The following SENP1 variants were observed in gnomAD, a reference collection of about 807,000 sequenced individuals.
The protein encoded by SENP1 is sentrin-specific protease 1.
SENP1 carries 21 observed loss-of-function variants against 93.0 expected under a neutral mutation model. The ratio of observed to expected loss-of-function variants is 0.23; its 90% CI spans 0.16 to 0.33. SENP1 has a LOEUF of 0.33. Ranked by LOEUF, SENP1 falls within the 10% of genes least tolerant of loss-of-function variation. SENP1 has a pLI of 1.00. For synonymous variants in SENP1, 256 were observed against 259.6 expected (o/e 0.99, Z 0.13); for missense variants, 591 against 758.7 (o/e 0.78, Z 2.60).
At chr12:48,052,110 G>C (rs2136795366) in intron 13 of SENP1, among the ~76,000 whole-genome samples, 1 of 152,248 alleles carries the variant, frequency 6.6e-6, no homozygotes, top group East Asian at 1.9e-4. Context: ...TTTATTTGAA[G>C]AGCTGCCAGG....
At chr12:48,088,371 C>T (rs1358984517) in intron 5 of SENP1, among the ~76,000 whole-genome samples, 1 of 152,072 alleles carries the variant, frequency 6.6e-6, no homozygotes, top group Non-Finnish European at 1.5e-5. Context: ...TCTTTATTTT[C>T]TAATATATAG....
Position 48,106,047 on chromosome 12 carries a change from A to G in SENP1, c.-64T>C. ...ACTCACCGAACCGGAACCGGCTGCC[A>G]TGCGAAGGGGTTTCCGGCCGGGCGC... On this transcript the variant is annotated 5_prime_UTR_variant, in exon 1 of 18. The change abolishes an upstream ATG in the 5' untranslated region. Coordinates refer to ENST00000549518, the MANE Select transcript of SENP1 (RefSeq NM_001267594.2). 1 of 702,156 alleles carries G rather than the reference A, an allele frequency of 1.4e-6. No homozygotes were observed. 43.5% of individuals were successfully genotyped at this position (702,156 alleles called of 1,614,324 possible). A position where few individuals can be genotyped will look rare whatever the true frequency, so the allele number is the denominator to read the frequency against.
rs558327801 is a variant in SENP1 at position 48,102,509 on chromosome 12, C to T, written c.-44-993G>A. 8.0e-5 allele frequency among the ~76,000 whole-genome samples: 12 copies of T among 150,550 alleles called. No individual in the cohort carries two copies. In the South Asian group the frequency reaches 2.1e-3, roughly 26 times the overall value. On this transcript the variant is annotated intron_variant, in intron 1 of 17. Coordinates refer to ENST00000549518, the MANE Select transcript of SENP1 (RefSeq NM_001267594.2). ...GGAACTAGGTTAATAAACATATCCT[C>T]GGCACATATGGTCTTGGTAGATTTC...
intron 3 of SENP1, 33 bp from the exon 4 acceptor site, chr12:48,096,460 A>ATTTTT: frequency 1.7e-6 from 2 of 1,165,000 alleles, no homozygotes; most frequent in Non-Finnish European, 2.4e-6. Flanking sequence ...CTTAAGTCAC[A>ATTTTT]TTTTTTTTTT....
intron 15 of SENP1, among the ~76,000 whole-genome samples, chr12:48,047,656 C>G (rs1187373795): frequency 1.3e-5 from 2 of 152,168 alleles, no homozygotes; most frequent in African/African-American, 4.8e-5. Flanking sequence ...TCTGGTCCAC[C>G]TGAGCCACTA....
At chr12:48,075,790 T>A (rs115547982) in intron 6 of SENP1, among the ~76,000 whole-genome samples, 1,682 of 151,722 alleles carry the variant, frequency 0.011, 30 homozygotes, top group African/African-American at 0.038. Flanking sequence ...ATGCAGAAAA[T>A]TAAAGGGTAA....
chr12:48,096,044 C>A (rs944565565), intron 4 of SENP1, among the ~76,000 whole-genome samples: 3 of 152,160 alleles, frequency 2.0e-5, no homozygotes, highest in Non-Finnish European at 1.5e-5. Flanking sequence ...ACATCACATA[C>A]ACATATTCCC....
chr12:48,067,867 GTTGT>G (rs1337231008), intron 9 of SENP1, among the ~76,000 whole-genome samples: 2 of 151,692 alleles, frequency 1.3e-5, no homozygotes, highest in African/African-American at 4.8e-5. Flanking sequence ...GGCATTTAGT[GTTGT>G]TTGTTTGTTT....
chr12:48,051,517 C>T (rs1447695018), intron 13 of SENP1, among the ~76,000 whole-genome samples: 1 of 152,216 alleles, frequency 6.6e-6, no homozygotes, highest in Non-Finnish European at 1.5e-5. Context: ...AATCTGGATT[C>T]AAGTCTTTCT....
At chr12:48,098,345 T>A (rs1020430082) in intron 2 of SENP1, among the ~76,000 whole-genome samples, 8 of 150,858 alleles carry the variant, frequency 5.3e-5, no homozygotes, top group African/African-American at 1.7e-4. Flanking sequence ...TACAAAAAAA[T>A]TTAAAAATTA....
Position 48,086,171 on chromosome 12 carries a change from G to C in SENP1, c.381-2409C>G, listed in dbSNP as rs984831704. On this transcript the variant is annotated intron_variant, in intron 5 of 17. Coordinates refer to ENST00000549518, the MANE Select transcript of SENP1 (RefSeq NM_001267594.2). Reference sequence around the variant, plus strand: ...CAAATTCATTTGAAACATATGAAGTGTCTATTTTACAAAAACCTTGCTTTG... The same window carrying C: ...CAAATTCATTTGAAACATATGAAGTCTCTATTTTACAAAAACCTTGCTTTG... Among the ~76,000 whole-genome samples, 8 of 152,284 alleles carry C rather than the reference G, an allele frequency of 5.3e-5. No individual in the cohort carries two copies. In the South Asian group the frequency reaches 1.2e-3, roughly 24 times the overall value.
Position 48,083,698 on chromosome 12 carries a change from A to G in SENP1, c.445T>C (p.Ser149Pro), listed in dbSNP as rs753879727. The G allele has an allele frequency of 1.9e-6, 3 of 1,613,080 alleles. No individual in the cohort carries two copies. Among genetic ancestry groups the G allele is most frequent in the Admixed American group, 3.3e-5 (2 of 59,976 alleles). The change falls in exon 6 of 18, where the codon TCT becomes CCT. Residue 149 changes from serine to proline, a missense_variant. Physicochemically the swap from Ser to Pro is moderately conservative, Grantham distance 74 (BLOSUM62 -1). Around this residue, in one of 4 missense-constraint regions of SENP1, gnomAD observed 214 missense variants for 243.4 expected, o/e 0.88. Coordinates refer to ENST00000549518, the MANE Select transcript of SENP1 (RefSeq NM_001267594.2). ...CTTGGAACAGGTTTAATAGGAAAAG[A>G]TTTTTCATATGCAGATACATGGCAG... ...HHCHVSAYEK[S>P]FPIKPVPSPS...
At chr12:48,104,606 CCT>C (rs1258419898) in intron 1 of SENP1, among the ~76,000 whole-genome samples, 1 of 152,150 alleles carries the variant, frequency 6.6e-6, no homozygotes, top group Non-Finnish European at 1.5e-5. Context: ...AGAAAGGGTC[CCT>C]GCCACTGAGC....
rs138067425 is a variant in SENP1, at chr12:48,067,855, T to C, written c.996-890A>G. Among the ~76,000 whole-genome samples the C allele has an allele frequency of 2.2e-4, 33 of 151,748 alleles. No individual in the cohort carries two copies. In the East Asian group the frequency reaches 5.4e-3, roughly 25 times the overall value. The stretch of plus-strand genomic sequence containing the variant: ...AACTAGAATAGTGCTTGGCACAGAG[T>C]AGGCATTTAGTGTTGTTTGTTTGTT... On this transcript the variant is annotated intron_variant, in intron 9 of 17. Coordinates refer to ENST00000549518, the MANE Select transcript of SENP1 (RefSeq NM_001267594.2).
At chr12:48,066,859 A>G in intron 10 of SENP1, 68 bp downstream of exon 10, 1 of 1,241,970 alleles carries the variant, frequency 8.1e-7, no homozygotes, top group Non-Finnish European at 1.2e-6. Flanking sequence ...TGATTAGCTA[A>G]TTGTTTGATT....
At chr12:48,091,520 A>C (rs1945225991) in intron 4 of SENP1, among the ~76,000 whole-genome samples, 1 of 152,142 alleles carries the variant, frequency 6.6e-6, no homozygotes, top group African/African-American at 2.4e-5. Context: ...TGTTCCTGTT[A>C]ACTTTAGTTA....
chr12:48,098,960 T>C (rs1041972633), intron 2 of SENP1: 1 of 152,186 alleles, frequency 6.6e-6, no homozygotes, highest in African/African-American at 2.4e-5. Context: ...TCATTTGGAA[T>C]TAATTGAGGC....
intron 9 of SENP1, among the ~76,000 whole-genome samples, chr12:48,069,820 C>G (rs1163198561): frequency 6.6e-6 from 1 of 151,994 alleles, no homozygotes; most frequent in Non-Finnish European, 1.5e-5. Context: ...TGAAGTCTCC[C>G]CAAAAGACTT....
At chr12:48,053,187 T>C (rs1316606776) in intron 13 of SENP1, among the ~76,000 whole-genome samples, 2 of 152,152 alleles carry the variant, frequency 1.3e-5, no homozygotes, top group African/African-American at 4.8e-5. Flanking sequence ...GTTAGAATGC[T>C]AGACAAAGCT....
Sources: allele counts gnomAD v4.1 joint callset (sites outside exome capture counted in the v4.1 genomes callset), GRCh38; gene constraint gnomAD v4.1.1; regional missense constraint gnomAD v4.1.1; transcripts MANE v1.5; gene names NCBI Gene and HGNC (gene_info 2026-07-23, HGNC 2026-07-21).